HACD4: variants seen among roughly 807,000 people sequenced by gnomAD.
The protein encoded by HACD4 is very-long-chain (3R)-3-hydroxyacyl-CoA dehydratase 4.
A neutral mutation model predicts 33.3 loss-of-function variants in HACD4; 35 were observed. The observed-to-expected ratio is 1.05, with a 90% CI of 0.80 to 1.39. The LOEUF is 1.39. HACD4 is among the 40% of genes most tolerant of loss of function. The probability of loss-of-function intolerance (pLI) is 0.00; values close to 1 mark genes in which losing one functional copy is unlikely to be tolerated. For missense variants in HACD4, 323 were observed against 276.5 expected (o/e 1.17, Z -1.19); for synonymous variants, 118 against 98.0 (o/e 1.20, Z -1.21).
At chr9:21,010,468 C>G (rs983054401) in intron 5 of HACD4, among the ~76,000 whole-genome samples, 2 of 136,352 alleles carry the variant, frequency 1.5e-5, no homozygotes, top group African/African-American at 2.9e-5. Flanking sequence ...CCCCCCCCCC[C>G]CCAGAGCTTA....
intron 5 of HACD4, among the ~76,000 whole-genome samples, chr9:21,010,141 C>T (rs1003497782): frequency 6.6e-6 from 1 of 152,028 alleles, no homozygotes; most frequent in African/African-American, 2.4e-5. Context: ...AACACCATGT[C>T]CTTATGTTTT....
rs1842275520 is a variant in HACD4, at chr9:21,006,591, T to C, written c.*446A>G. The C allele has an allele frequency of 4.6e-6, 1 of 219,112 alleles. No individual in the cohort carries two copies. The allele number at this position is 219,112 out of a possible 1,614,324, so 13.6% of individuals were successfully genotyped here. A position where few individuals can be genotyped will look rare whatever the true frequency, so the allele number is the denominator to read the frequency against. ...AGACATCTGTCTATGAAATATGTTA[T>C]TCTAGGCAACTGTGGAATATATTTT... On this transcript the variant is annotated 3_prime_UTR_variant, in exon 7 of 7. Coordinates refer to ENST00000495827, the MANE Select transcript of HACD4 (RefSeq NM_001010915.5). The surrounding 1 kb of genome is among the most constrained non-coding windows in gnomAD (Gnocchi z 4.6).
chr9:21,026,077 GA>G (rs1818053469), intron 3 of HACD4, among the ~76,000 whole-genome samples: 2 of 152,124 alleles, frequency 1.3e-5, no homozygotes, highest in South Asian at 4.1e-4. Flanking sequence ...AAAAAAGAGG[GA>G]ATGAGCAAGA....
chr9:21,027,210 T>C (rs1465318304), intron 2 of HACD4, among the ~76,000 whole-genome samples: 1 of 152,196 alleles, frequency 6.6e-6, no homozygotes, highest in Admixed American at 6.5e-5. Flanking sequence ...AACATAGGTA[T>C]CTAGGATTTT....
At chr9:21,016,131 A>G in intron 3 of HACD4, 121 bp from the exon 4 acceptor site, 1 of 600,438 alleles carries the variant, frequency 1.7e-6, no homozygotes, top group Non-Finnish European at 2.9e-6. Context: ...ATGTATACTA[A>G]ACTGTTAACA....
intron 3 of HACD4, 112 bp from the exon 4 acceptor site, chr9:21,016,122 T>C (rs1842550135): frequency 3.0e-6 from 2 of 675,774 alleles, no homozygotes; most frequent in Non-Finnish European, 5.1e-6. Context: ...GCTGGAAATA[T>C]GTATACTAAA....
chr9:21,023,506 G>A (rs1447335619), intron 3 of HACD4, among the ~76,000 whole-genome samples: 1 of 151,804 alleles, frequency 6.6e-6, no homozygotes, highest in East Asian at 1.9e-4. Flanking sequence ...CTGTTGGTTG[G>A]AATTATTTCT....
chr9:21,031,436 G>T, intron 1 of HACD4, 117 bp downstream of exon 1: 1 of 1,341,438 alleles, frequency 7.5e-7, no homozygotes, highest in East Asian at 3.2e-5. Context: ...GCACGGTAGC[G>T]CTGCGCCTTG....
intron 3 of HACD4, among the ~76,000 whole-genome samples, chr9:21,022,875 C>A (rs1467428243): frequency 6.6e-6 from 1 of 151,912 alleles, no homozygotes; most frequent in African/African-American, 2.4e-5. Flanking sequence ...TGGGTATATA[C>A]CCAAAGGACT....
Position 21,006,064 on chromosome 9 carries a change from CT to C in HACD4, c.*972del. 6.6e-6 allele frequency: 1 copy of C among 152,264 alleles called. No homozygotes were observed. The highest frequency in any genetic ancestry group is 3.4e-3 in the Middle Eastern group (1 of 294). 9.4% of individuals were successfully genotyped at this position (152,264 alleles called of 1,614,324 possible). A position where few individuals can be genotyped will look rare whatever the true frequency, so the allele number is the denominator to read the frequency against. ...GAGTTGATGCAGGAATGAGTTAAGA[CT>C]TTTGAGGCTGTCGAGATGGAATGTA... On this transcript the variant is annotated 3_prime_UTR_variant, in exon 7 of 7. Transcript: ENST00000495827. The surrounding 1 kb of genome is among the most constrained non-coding windows in gnomAD (Gnocchi z 4.6).
Position 21,015,979 on chromosome 9 carries a change from A to G in HACD4, c.302T>C (p.Val101Ala). 6.2e-7 allele frequency: 1 copy of G among 1,613,028 alleles called. No homozygotes were observed. The highest frequency in any genetic ancestry group is 8.5e-7 in the Non-Finnish European group (1 of 1,179,238). ...TTGGACTTCCTCTTGACTGGTGATC[A>G]CCACAAAAAGGATGATTATTCTTTC... The part of the protein sequence containing the change: ...LTERIIILFV[V>A]ITSQEEVQEK... Residue 101 changes from valine to alanine, a missense_variant, in exon 4 of 7, where the codon GTG (valine) becomes GCG (alanine). Coordinates refer to ENST00000495827, the MANE Select transcript of HACD4 (RefSeq NM_001010915.5).
intron 3 of HACD4, among the ~76,000 whole-genome samples, chr9:21,019,357 T>A (rs960139528): frequency 6.6e-6 from 1 of 152,128 alleles, no homozygotes; most frequent in Non-Finnish European, 1.5e-5. Context: ...CTGTGTTAAG[T>A]AATTATACCA....
chr9:21,011,548 C>T (rs544280684), intron 5 of HACD4, 41 bp downstream of exon 5: 1 of 1,225,208 alleles, frequency 8.2e-7, no homozygotes, highest in Non-Finnish European at 1.2e-6. Context: ...AACTAGATGG[C>T]TTTTGTCAGT....
intron 4 of HACD4, among the ~76,000 whole-genome samples, chr9:21,012,153 G>T (rs1842452121): frequency 6.6e-6 from 1 of 152,190 alleles, no homozygotes; most frequent in Non-Finnish European, 1.5e-5. Context: ...ATCAATTAAA[G>T]AACTGGCCTT....
At chr9:21,028,044 A>C (rs1818107909) in intron 2 of HACD4, among the ~76,000 whole-genome samples, 1 of 150,690 alleles carries the variant, frequency 6.6e-6, no homozygotes, top group Non-Finnish European at 1.5e-5. Context: ...CTGAGGCAGG[A>C]GAATCACTTG....
intron 3 of HACD4, among the ~76,000 whole-genome samples, chr9:21,023,342 A>C (rs2132794593): frequency 6.6e-6 from 1 of 152,306 alleles, no homozygotes. Flanking sequence ...CACTGTACAC[A>C]GGTACCCTAG....
In HACD4 at chr9:21,000,873, T is replaced by G. The variant is rs1842157560; in HGVS notation, c.*6164A>C. Reference sequence around the variant, plus strand: ...GGGGAAATATTTTGGACATTGAGATTGTATCTATTTGTACTTCTGAAATAA... The same window carrying G: ...GGGGAAATATTTTGGACATTGAGATGGTATCTATTTGTACTTCTGAAATAA... On this transcript the variant is annotated 3_prime_UTR_variant, in exon 7 of 7. Coordinates refer to ENST00000495827, the MANE Select transcript of HACD4 (RefSeq NM_001010915.5). 1 of 152,140 alleles carries G rather than the reference T, an allele frequency of 6.6e-6. No homozygotes were observed. Among genetic ancestry groups the G allele is most frequent in the African/African-American group, 2.4e-5 (1 of 41,446 alleles). The allele number at this position is 152,140 out of a possible 1,614,324, so 9.4% of individuals were successfully genotyped here.
At chr9:21,025,858 C>T (rs563402739) in intron 3 of HACD4, among the ~76,000 whole-genome samples, 74 of 152,302 alleles carry the variant, frequency 4.9e-4, no homozygotes, top group African/African-American at 1.8e-3. Context: ...GGAACTTATC[C>T]ATTTTCTCAG....
In HACD4 at chr9:21,023,715, C is replaced by T. The variant is rs143537956; in HGVS notation, c.270+2881G>A. ...TCAGCCTCCCGAGTAGCTGGGATCA[C>T]AGGCACGCGCCACCACGTCCAGCTA... On this transcript the variant is annotated intron_variant, in intron 3 of 6. Transcript: ENST00000495827. 1.1e-3 allele frequency among the ~76,000 whole-genome samples: 165 copies of T among 152,204 alleles called. 1 individual carries two copies. Among genetic ancestry groups the T allele is most frequent in the Middle Eastern group, 6.8e-3 (2 of 294 alleles).
Sources: gnomAD v4.1 joint callset for allele counts (sites outside exome capture counted in the v4.1 genomes callset) on GRCh38, gnomAD v4.1.1 for gene constraint, Gnocchi (gnomAD v3.1) non-coding constraint, MANE v1.5 for transcripts, NCBI Gene and HGNC (gene_info 2026-07-23, HGNC 2026-07-21) for gene names.